SIRT5: variants seen among roughly 807,000 people sequenced by gnomAD.
SIRT5 encodes the protein NAD-dependent protein deacylase sirtuin-5, mitochondrial.
SIRT5 carries 26 observed loss-of-function variants against 40.0 expected under a neutral mutation model. The observed-to-expected ratio is 0.65, with a 90% CI of 0.48 to 0.90. The LOEUF is 0.90. SIRT5 is among the 40% of genes least tolerant of loss of function. SIRT5 has a pLI of 0.00. For synonymous variants in SIRT5, 146 were observed against 149.1 expected, an observed-to-expected ratio of 0.98 and a Z score of 0.15; for missense variants, 401 against 402.4, an observed-to-expected ratio of 1.00 and a Z score of 0.03.
At chr6:13,579,962 A>G (rs190122786) in intron 2 of SIRT5, among the ~76,000 whole-genome samples, 60 of 152,242 alleles carry the variant, frequency 3.9e-4, no homozygotes, top group Non-Finnish European at 5.6e-4. Context: ...TGCTAGTTGA[A>G]GATCATGGCA....
Position 13,595,571 on chromosome 6 carries a change from A to G in SIRT5, c.563+7A>G. On this transcript the variant is annotated splice_region_variant and intron_variant, in intron 6 of 9. Transcript: ENST00000606117. ...CAGCTTTATCAGGAAAAGGGTAATT[A>G]TACCACACTACAGAATAAGTATAGG... The G allele has an allele frequency of 6.3e-7, 1 of 1,592,362 alleles. No homozygotes were observed. Among genetic ancestry groups the G allele is most frequent in the Non-Finnish European group, 8.6e-7 (1 of 1,160,204 alleles).
Position 13,613,741 on chromosome 6 carries a change from T to A in SIRT5, c.*1876T>A, listed in dbSNP as rs1220873623. The A allele has an allele frequency of 2.0e-5, 3 of 152,224 alleles. No individual in the cohort carries two copies. The highest frequency in any genetic ancestry group is 7.2e-5 in the African/African-American group (3 of 41,450). 9.4% of individuals were successfully genotyped at this position (152,224 alleles called of 1,614,324 possible). ...AAGGAGTTTACACTGAGGGCACTGGTAATACCTGTAATAGTCTTATAGTAC... is the reference window on the plus strand; with the variant it reads ...AAGGAGTTTACACTGAGGGCACTGGAAATACCTGTAATAGTCTTATAGTAC... On this transcript the variant is annotated 3_prime_UTR_variant, in exon 10 of 10. Coordinates refer to ENST00000606117, the MANE Select transcript of SIRT5 (RefSeq NM_012241.5).
intron 6 of SIRT5, 24 bp from the exon 7 acceptor site, chr6:13,596,939 C>A: frequency 6.3e-7 from 1 of 1,575,792 alleles, no homozygotes. Context: ...AACAATCTTT[C>A]TTTTCTAATA....
intron 1 of SIRT5, 53 bp downstream of exon 1, chr6:13,574,797 T>G (rs905388561): frequency 1.3e-5 from 2 of 151,894 alleles, no homozygotes; most frequent in Admixed American, 6.6e-5. Flanking sequence ...GGGAGGGGGA[T>G]GGAAACGGGG....
At position 13,607,606 on chromosome 6, in the gene SIRT5, G is replaced by A. The variant is rs546481624; in HGVS notation, c.858-4184G>A. 1.1e-3 allele frequency among the ~76,000 whole-genome samples: 170 copies of A among 152,328 alleles called. No individual in the cohort carries two copies. Among genetic ancestry groups the A allele is most frequent in the Non-Finnish European group, 2.0e-3 (135 of 68,028 alleles). ...CGTGGTTGTCCTACAACTGGTGGGG[G>A]CCAGCAGAGTGCACAGGTGTGCTAG... On this transcript the variant is annotated intron_variant, in intron 9 of 9. Coordinates refer to ENST00000606117, the MANE Select transcript of SIRT5 (RefSeq NM_012241.5). This position sits in a 1 kb window ranked among gnomAD's most constrained non-coding sequence, Gnocchi z 4.0.
At chr6:13,587,784 A>G (rs1031563437) in intron 3 of SIRT5, among the ~76,000 whole-genome samples, 3 of 152,208 alleles carry the variant, frequency 2.0e-5, no homozygotes, top group African/African-American at 4.8e-5. Flanking sequence ...TGTGTCCTCA[A>G]ATAAGACCCT....
intron 5 of SIRT5, among the ~76,000 whole-genome samples, chr6:13,593,666 TGCA>T (rs1253754878): frequency 1.3e-5 from 2 of 152,222 alleles, no homozygotes; most frequent in African/African-American, 2.4e-5. Flanking sequence ...TTTTTTAAGA[TGCA>T]TCATGTTTTT....
Position 13,611,688 on chromosome 6 carries a change from T to A in SIRT5, c.858-102T>A, listed in dbSNP as rs887140594. On this transcript the variant is annotated intron_variant, in intron 9 of 9. Transcript: ENST00000606117. ...ATACCATCTTTATGAGAATTTGGGTTTTACTTCGGCTATTACTTCAGAAAT... is the reference window on the plus strand; with the variant it reads ...ATACCATCTTTATGAGAATTTGGGTATTACTTCGGCTATTACTTCAGAAAT... 3.5e-6 allele frequency: 3 copies of A among 868,072 alleles called. No individual in the cohort carries two copies. In the Admixed American group the frequency reaches 5.5e-5, roughly 16 times the overall value. The allele number at this position is 868,072 out of a possible 1,614,324, so 53.8% of individuals were successfully genotyped here. A position where few individuals can be genotyped will look rare whatever the true frequency, so the allele number is the denominator to read the frequency against.
chr6:13,582,766 TAA>T (rs1187494062), intron 2 of SIRT5, among the ~76,000 whole-genome samples: 1 of 152,234 alleles, frequency 6.6e-6, no homozygotes, highest in Non-Finnish European at 1.5e-5. Flanking sequence ...TTTCTTTTTA[TAA>T]AATTCCTCAG....
At chr6:13,595,900 G>A (rs1214224032) in intron 6 of SIRT5, among the ~76,000 whole-genome samples, 1 of 152,202 alleles carries the variant, frequency 6.6e-6, no homozygotes, top group Non-Finnish European at 1.5e-5. Flanking sequence ...GCTGAGGTGG[G>A]AGGGTTATTT....
intron 2 of SIRT5, among the ~76,000 whole-genome samples, chr6:13,582,423 G>A (rs2127616576): frequency 6.6e-6 from 1 of 152,094 alleles, no homozygotes; most frequent in Middle Eastern, 3.4e-3. Flanking sequence ...TATTCGCATT[G>A]TTGTGTAGCT....
At chr6:13,592,275 T>C (rs1761017189) in intron 5 of SIRT5, among the ~76,000 whole-genome samples, 1 of 152,184 alleles carries the variant, frequency 6.6e-6, no homozygotes, top group African/African-American at 2.4e-5. Context: ...GTGCTTTTTA[T>C]ACTGGAGGAA....
At chr6:13,610,132 G>GT (rs1763643445) in intron 9 of SIRT5, among the ~76,000 whole-genome samples, 1 of 152,092 alleles carries the variant, frequency 6.6e-6, no homozygotes, top group South Asian at 2.1e-4. Flanking sequence ...ACGCATGGTT[G>GT]TTTTTACTGT....
chr6:13,577,649 TTA>T (rs898031693), intron 1 of SIRT5, among the ~76,000 whole-genome samples: 11 of 148,476 alleles, frequency 7.4e-5, no homozygotes, highest in Admixed American at 1.3e-4. Context: ...TCTCTCTATA[TTA>T]TATATATATT....
rs1453548140 is a variant in SIRT5, at chr6:13,588,330, G to A, written c.116-1G>A. 1 of 1,613,596 alleles carries A rather than the reference G, an allele frequency of 6.2e-7. No homozygotes were observed. The highest frequency in any genetic ancestry group is 8.5e-7 in the Non-Finnish European group (1 of 1,179,798). Reference sequence around the variant, plus strand: ...ATTGATAAAGATTTCACTCTGTTTAGGTATGGCAGATTTTCGAAAGTTTTT... The same window carrying A: ...ATTGATAAAGATTTCACTCTGTTTAAGTATGGCAGATTTTCGAAAGTTTTT... On this transcript the variant is annotated splice_acceptor_variant, in intron 3 of 9. Transcript: ENST00000606117. LOFTEE classifies it high-confidence loss of function.
chr6:13,580,378 T>C (rs1759184289), intron 2 of SIRT5, among the ~76,000 whole-genome samples: 1 of 152,146 alleles, frequency 6.6e-6, no homozygotes, highest in Admixed American at 6.5e-5. Flanking sequence ...GTTCTATGAG[T>C]GTTGAAAAAA....
intron 9 of SIRT5, among the ~76,000 whole-genome samples, chr6:13,606,678 GTTTT>G (rs1763158672): frequency 6.6e-6 from 1 of 152,118 alleles, no homozygotes; most frequent in South Asian, 2.1e-4. Flanking sequence ...CTTTTTGTTT[GTTTT>G]TTGTTTTGTT....
At chr6:13,609,129 A>T (rs1276289935) in intron 9 of SIRT5, among the ~76,000 whole-genome samples, 2 of 152,208 alleles carry the variant, frequency 1.3e-5, no homozygotes, top group Non-Finnish European at 2.9e-5. Context: ...GCCTGGAAAT[A>T]TATCCTTAAT....
At chr6:13,586,129 G>T (rs1264140570) in intron 3 of SIRT5, among the ~76,000 whole-genome samples, 2 of 152,226 alleles carry the variant, frequency 1.3e-5, no homozygotes, top group Non-Finnish European at 2.9e-5. Flanking sequence ...GTTATTTGTA[G>T]ATTCTGGATA....
Sources: gnomAD v4.1 joint callset for allele counts (sites outside exome capture counted in the v4.1 genomes callset) on GRCh38, gnomAD v4.1.1 for gene constraint, Gnocchi (gnomAD v3.1) non-coding constraint, MANE v1.5 for transcripts, NCBI Gene and HGNC (gene_info 2026-07-23, HGNC 2026-07-21) for gene names.